Variants in ANK2 observed in about 807,000 individuals in gnomAD.
The protein encoded by ANK2 is ankyrin-2.
A neutral mutation model predicts 360.5 loss-of-function variants in ANK2; 83 were observed. The ratio of observed to expected loss-of-function variants is 0.23; its 90% CI spans 0.19 to 0.28. ANK2 has a LOEUF of 0.28. Among genes scored for constraint, ANK2 ranks in the 10% least tolerant of loss-of-function variants. The pLI is 1.00. For missense variants in ANK2, 4,201 were observed against 4,795.7 expected (o/e 0.88, Z 3.66); for synonymous variants, 1,740 against 1,759.5 (o/e 0.99, Z 0.28).
chr4:113,142,144 C>G (rs2096654569), intron 1 of ANK2, among the ~76,000 whole-genome samples: 1 of 152,150 alleles, frequency 6.6e-6, no homozygotes, highest in Non-Finnish European at 1.5e-5. Context: ...TGTCAGATGT[C>G]CACAGAGATC....
the ANK2 span, among the ~76,000 whole-genome samples, chr4:112,707,391 C>T: frequency 6.6e-6 from 1 of 152,148 alleles, no homozygotes; most frequent in Admixed American, 6.5e-5. Flanking sequence ...GTAGTGTGTA[C>T]AGTTTTTGTG....
At chr4:113,374,677 T>G (rs2096861914) in intron 45 of ANK2, 33 of 878,660 alleles carry the variant, frequency 3.8e-5, no homozygotes, top group Non-Finnish European at 4.5e-5. Flanking sequence ...TTTATAGTTT[T>G]GTCCTTTGTT....
intron 2 of ANK2, among the ~76,000 whole-genome samples, chr4:113,179,310 A>T (rs950401446): frequency 2.6e-5 from 4 of 152,226 alleles, no homozygotes; most frequent in African/African-American, 7.2e-5. Context: ...GCATTTCTCA[A>T]TGAAAGGCAA....
chr4:113,034,172 C>T (rs970321868), intron 2 of ANK2: 2 of 151,838 alleles, frequency 1.3e-5, no homozygotes, highest in Non-Finnish European at 2.9e-5. Flanking sequence ...GATAGGAACA[C>T]CTTAAGGATG....
At chr4:112,934,527 AGTG>A (rs1474569140) in intron 2 of ANK2, among the ~76,000 whole-genome samples, 1 of 152,150 alleles carries the variant, frequency 6.6e-6, no homozygotes, top group Non-Finnish European at 1.5e-5. Flanking sequence ...TAGTCAATTC[AGTG>A]GTATTTATTA....
the ANK2 span, chr4:112,738,878 C>G: frequency 1.5e-6 from 1 of 668,084 alleles, no homozygotes; most frequent in Non-Finnish European, 2.7e-6. Context: ...AACAAACAAA[C>G]AAACAAACAA....
chr4:112,993,074 T>C (rs1352826459), intron 2 of ANK2, among the ~76,000 whole-genome samples: 1 of 151,832 alleles, frequency 6.6e-6, no homozygotes, highest in African/African-American at 2.4e-5. Context: ...CTTGAGCCCA[T>C]GAATTCGAGA....
chr4:112,829,593 T>C lies in ANK2; in HGVS notation c.-40+11329T>C, dbSNP rs186015921. On this transcript the variant is annotated intron_variant, in intron 1 of 30. Coordinates refer to the ANK2 transcript ENST00000503271. ...GGCATATGAAAAAAATTCTCAAAAC[T>C]AATCATTAGAGATATGCAAATCAAA... Among the ~76,000 whole-genome samples the C allele has an allele frequency of 1.2e-3, 174 of 148,384 alleles. 1 individual carries two copies. Among genetic ancestry groups the C allele is most frequent in the African/African-American group, 4.2e-3 (169 of 39,952 alleles).
At chr4:113,338,848 C>T (rs532775047) in intron 31 of ANK2, among the ~76,000 whole-genome samples, 2 of 152,004 alleles carry the variant, frequency 1.3e-5, no homozygotes, top group South Asian at 2.1e-4. Context: ...CGCGCCCGGC[C>T]GATTGTTCAC....
intron 2 of ANK2, among the ~76,000 whole-genome samples, chr4:113,015,111 G>GA (rs1187492748): frequency 3.3e-5 from 5 of 152,216 alleles, no homozygotes; most frequent in Admixed American, 3.3e-4. Flanking sequence ...GCCCGCCTCT[G>GA]CCTCCCAAAG....
intron 1 of ANK2, chr4:113,117,441 C>CCT (rs1416958965): frequency 6.6e-6 from 3 of 456,054 alleles, no homozygotes. Flanking sequence ...TCCTTTTAAC[C>CCT]CTCTTTCTCT....
At chr4:113,005,896 T>G (rs1420820010) in intron 2 of ANK2, among the ~76,000 whole-genome samples, 1 of 152,104 alleles carries the variant, frequency 6.6e-6, no homozygotes, top group East Asian at 1.9e-4. Flanking sequence ...TCCTCTTCCC[T>G]CTTGCTCCCT....
chr4:113,179,920 T>C (rs1381903087), intron 2 of ANK2, among the ~76,000 whole-genome samples: 1 of 152,254 alleles, frequency 6.6e-6, no homozygotes, highest in Non-Finnish European at 1.5e-5. Flanking sequence ...TCACTTAGCA[T>C]TTATTTAATA....
At chr4:112,977,509 C>T (rs951641843) in intron 2 of ANK2, among the ~76,000 whole-genome samples, 7 of 151,270 alleles carry the variant, frequency 4.6e-5, no homozygotes, top group Non-Finnish European at 7.4e-5. Flanking sequence ...CTCAATTCTC[C>T]TTTAAACATT....
chr4:113,151,053 CTATT>C, intron 1 of ANK2: 2 of 1,277,624 alleles, frequency 1.6e-6, no homozygotes, highest in South Asian at 1.3e-5. Flanking sequence ...AGTAGCAAAT[CTATT>C]TATGGGAATT....
intron 1 of ANK2, among the ~76,000 whole-genome samples, chr4:112,821,419 G>T (rs181472312): frequency 4.6e-5 from 7 of 152,182 alleles, no homozygotes; most frequent in East Asian, 1.9e-4. Flanking sequence ...TATATTCTTT[G>T]TGGGTCATGT....
chr4:113,349,289 AAAT>A (rs1212786393), intron 36 of ANK2, among the ~76,000 whole-genome samples: 3 of 130,968 alleles, frequency 2.3e-5, no homozygotes, highest in African/African-American at 8.4e-5. Flanking sequence ...GGAAAACTTA[AAAT>A]AATATGTTTC....
intron 4 of ANK2, among the ~76,000 whole-genome samples, chr4:113,218,220 A>C (rs2099108839): frequency 6.6e-6 from 1 of 152,236 alleles, no homozygotes; most frequent in African/African-American, 2.4e-5. Context: ...GATTATTTTC[A>C]AAACTGTTAA....
intron 2 of ANK2, among the ~76,000 whole-genome samples, chr4:112,956,923 C>T (rs1030853439): frequency 2.8e-4 from 43 of 151,550 alleles, no homozygotes; most frequent in East Asian, 1.9e-4. Flanking sequence ...GTAGGCACTA[C>T]CTCTACTATG....
Sources: allele counts gnomAD v4.1 joint callset (sites outside exome capture counted in the v4.1 genomes callset), GRCh38; gene constraint gnomAD v4.1.1; transcripts MANE v1.5; gene names NCBI Gene and HGNC (gene_info 2026-07-23, HGNC 2026-07-21).